The following PEAK1 variants were observed in gnomAD, a reference collection of about 807,000 sequenced individuals.
PEAK1 encodes pseudopodium enriched atypical kinase 1.
A neutral mutation model predicts 124.7 loss-of-function variants in PEAK1; 54 were observed. The observed-to-expected ratio is 0.43, with a 90% CI of 0.35 to 0.54. The LOEUF (loss-of-function observed/expected upper bound fraction) is 0.54, where lower values mean the gene tolerates loss of function less well. PEAK1 is among the 20% of genes least tolerant of loss of function. The pLI is 0.01. For synonymous variants in PEAK1, 719 were observed against 760.0 expected, an observed-to-expected ratio of 0.95 and a Z score of 0.89; for missense variants, 2,046 against 2,134.5, an observed-to-expected ratio of 0.96 and a Z score of 0.82.
intron 1 of PEAK1, among the ~76,000 whole-genome samples, chr15:77,376,801 G>T (rs1203008193): frequency 6.6e-6 from 1 of 152,012 alleles, no homozygotes; most frequent in African/African-American, 2.4e-5. Context: ...ATTTTTTAAG[G>T]CTTTTTTATG....
intron 2 of PEAK1, among the ~76,000 whole-genome samples, chr15:77,298,491 T>C (rs2063626941): frequency 6.6e-6 from 1 of 151,966 alleles, no homozygotes; most frequent in Non-Finnish European, 1.5e-5. Context: ...GTGCTGGGAT[T>C]ACAGGCGTGA....
chr15:77,413,801 G>T (rs905001534), intron 1 of PEAK1, among the ~76,000 whole-genome samples: 2 of 152,144 alleles, frequency 1.3e-5, no homozygotes, highest in African/African-American at 4.8e-5. Context: ...GAGGAACCCA[G>T]GTGAAGAGTA....
At chr15:77,189,156 G>A (rs560543525) in intron 6 of PEAK1, among the ~76,000 whole-genome samples, 4 of 152,160 alleles carry the variant, frequency 2.6e-5, no homozygotes, top group East Asian at 3.9e-4. Flanking sequence ...AGCCGAGATC[G>A]CGCCACTGCA....
rs10539940 is a variant in PEAK1 at position 77,112,660 on chromosome 15, TACACACAC to T, written c.*1488_*1495del. 40,331 of 145,238 alleles carry T rather than the reference TACACACAC, an allele frequency of 0.28. 5,742 individuals are homozygous for T. Among genetic ancestry groups the T allele is most frequent in the Non-Finnish European group, 0.35 (23,172 of 66,090 alleles). 9.0% of individuals were successfully genotyped at this position (145,238 alleles called of 1,614,324 possible). Reference sequence around the variant, plus strand: ...AAGCACAGGTGAACATGTGTATACATACACACACACACACACACACACACACACACACA... The same window carrying T: ...AAGCACAGGTGAACATGTGTATACATACACACACACACACACACACACACA... On this transcript the variant is annotated 3_prime_UTR_variant, in exon 10 of 10. Transcript: ENST00000682557.
At chr15:77,331,963 G>A (rs1194029752) in intron 2 of PEAK1, among the ~76,000 whole-genome samples, 3 of 151,926 alleles carry the variant, frequency 2.0e-5, no homozygotes, top group African/African-American at 4.8e-5. Context: ...GAGGCTGGGC[G>A]AGGTGGCTCA....
At chr15:77,325,864 T>A (rs569810634) in intron 2 of PEAK1, among the ~76,000 whole-genome samples, 1 of 152,190 alleles carries the variant, frequency 6.6e-6, no homozygotes, top group African/African-American at 2.4e-5. Context: ...ATATAATAAA[T>A]TTTGGTTACC....
chr15:77,412,484 C>T (rs1326622533), intron 1 of PEAK1, among the ~76,000 whole-genome samples: 2 of 152,164 alleles, frequency 1.3e-5, no homozygotes, highest in Non-Finnish European at 1.5e-5. Flanking sequence ...TTTTCACATT[C>T]TACAACCAAT....
rs563559327 is a variant in PEAK1, at chr15:77,166,913, C to T, written c.3138-8217G>A. Among the ~76,000 whole-genome samples the T allele has an allele frequency of 2.0e-5, 3 of 152,284 alleles. No homozygotes were observed. In the East Asian group the frequency reaches 5.8e-4, roughly 29 times the overall value. On this transcript the variant is annotated intron_variant, in intron 7 of 9. Transcript: ENST00000682557. ...AAATATTATGCCAATGGCTACCAAA[C>T]TTTCATGTACCTAAGAATTACCTGG...
At chr15:77,391,324 C>T (rs2141919640) in intron 1 of PEAK1, among the ~76,000 whole-genome samples, 1 of 152,130 alleles carries the variant, frequency 6.6e-6, no homozygotes, top group South Asian at 2.1e-4. Flanking sequence ...GTATTTACTG[C>T]AAGCTGCTAT....
intron 2 of PEAK1, among the ~76,000 whole-genome samples, chr15:77,291,663 A>G (rs1428079645): frequency 1.3e-5 from 2 of 152,086 alleles, no homozygotes; most frequent in African/African-American, 4.8e-5. Flanking sequence ...TTCATCTTGT[A>G]TGCATTTATT....
intron 9 of PEAK1, among the ~76,000 whole-genome samples, chr15:77,118,395 T>C (rs1267148485): frequency 1.3e-5 from 2 of 152,122 alleles, no homozygotes; most frequent in African/African-American, 4.8e-5. Flanking sequence ...TTGTAGCCAT[T>C]TTTCAAATAT....
chr15:77,400,470 T>C (rs1361358067), intron 1 of PEAK1, among the ~76,000 whole-genome samples: 5 of 152,064 alleles, frequency 3.3e-5, no homozygotes, highest in Admixed American at 1.3e-4. Context: ...TGGAGTACTA[T>C]ACAGCCATAA....
chr15:77,291,685 AAGAG>A (rs781216532), intron 2 of PEAK1, among the ~76,000 whole-genome samples: 1 of 152,176 alleles, frequency 6.6e-6, no homozygotes, highest in Non-Finnish European at 1.5e-5. Context: ...TTCACTAAAA[AAGAG>A]AGTTATGGCC....
Position 77,178,809 on chromosome 15 carries a change from T to C in PEAK1, c.3118A>G (p.Ile1040Val), listed in dbSNP as rs1243372540. 2 of 1,613,308 alleles carry C rather than the reference T, an allele frequency of 1.2e-6. No individual in the cohort carries two copies. Among genetic ancestry groups the C allele is most frequent in the Admixed American group, 1.7e-5 (1 of 59,888 alleles). ...KKRSHSSPSQ[I>V]PKKILSHMTH... Reference sequence around the variant, plus strand: ...ACATACCTGAGAATCTTTTTAGGAATCTGTGATGGAGAAGAATGACTCCTC... The same window carrying C: ...ACATACCTGAGAATCTTTTTAGGAACCTGTGATGGAGAAGAATGACTCCTC... The change falls in exon 7 of 10, where the codon ATT becomes GTT. Residue 1040 changes from isoleucine to valine, a missense_variant. Ile to Val is a conservative substitution (Grantham distance 29). Coordinates refer to ENST00000682557, the MANE Select transcript of PEAK1 (RefSeq NM_001385026.1).
At chr15:77,138,669 G>T (rs533540981) in intron 8 of PEAK1, among the ~76,000 whole-genome samples, 1 of 152,088 alleles carries the variant, frequency 6.6e-6, no homozygotes, top group Non-Finnish European at 1.5e-5. Flanking sequence ...TTTGAGACCA[G>T]CCTGGCCAAC....
chr15:77,401,224 C>G (rs1263050431), intron 1 of PEAK1, among the ~76,000 whole-genome samples: 1 of 152,146 alleles, frequency 6.6e-6, no homozygotes, highest in Non-Finnish European at 1.5e-5. Context: ...ATGTGTCTTA[C>G]AGATTAATGG....
intron 6 of PEAK1, among the ~76,000 whole-genome samples, chr15:77,229,896 C>A (rs963726521): frequency 6.6e-6 from 1 of 152,148 alleles, no homozygotes; most frequent in Non-Finnish European, 1.5e-5. Context: ...ATCCGCCGGC[C>A]TTGGCCTCCC....
intron 1 of PEAK1, among the ~76,000 whole-genome samples, chr15:77,372,561 T>C (rs1282353716): frequency 2.0e-5 from 3 of 152,354 alleles, no homozygotes; most frequent in South Asian, 4.1e-4. Flanking sequence ...TATGAATGCT[T>C]AGTATAGCCC....
At chr15:77,260,257 C>A (rs981275468) in intron 5 of PEAK1, among the ~76,000 whole-genome samples, 5 of 152,128 alleles carry the variant, frequency 3.3e-5, no homozygotes, top group Non-Finnish European at 5.9e-5. Flanking sequence ...ACAAACTAAT[C>A]TGTACTTAAC....
Sources: gnomAD v4.1 joint callset for allele counts (sites outside exome capture counted in the v4.1 genomes callset) on GRCh38, gnomAD v4.1.1 for gene constraint, MANE v1.5 for transcripts, NCBI Gene and HGNC (gene_info 2026-07-23, HGNC 2026-07-21) for gene names.